Variants in PBX4 observed in about 807,000 individuals in gnomAD.
PBX4 encodes PBX homeobox 4, also known as pre-B-cell leukemia transcription factor 4.
In PBX4, 26 loss-of-function variants were observed where a neutral mutation model predicts 35.1. The ratio of observed to expected loss-of-function variants is 0.74; its 90% confidence interval spans 0.54 to 1.03. The LOEUF is 1.03. Among genes scored for constraint, PBX4 ranks in the 50% least tolerant of loss-of-function variants. The pLI, the probability that PBX4 is intolerant of heterozygous loss-of-function variation, is 0.00. For synonymous variants in PBX4, 199 were observed against 204.2 expected (o/e 0.97, Z 0.22); for missense variants, 448 against 504.3 (o/e 0.89, Z 1.07).
At chr19:19,594,260 C>T (rs1283658214) in intron 2 of PBX4, among the ~76,000 whole-genome samples, 2 of 151,584 alleles carry the variant, frequency 1.3e-5, no homozygotes, top group African/African-American at 4.8e-5. Flanking sequence ...AAAAAATTAG[C>T]CGGGTGTGGT....
chr19:19,603,646 G>A (rs571008217), intron 1 of PBX4, among the ~76,000 whole-genome samples: 1 of 152,158 alleles, frequency 6.6e-6, no homozygotes, highest in African/African-American at 2.4e-5. Flanking sequence ...TCTAGAGAGA[G>A]AATTTGATGA....
At position 19,604,466 on chromosome 19, in the gene PBX4, CAA is replaced by C. The variant is rs753893364; in HGVS notation, c.120-5103_120-5102del. On this transcript the variant is annotated intron_variant, in intron 1 of 7. Coordinates refer to ENST00000251203, the MANE Select transcript of PBX4 (RefSeq NM_025245.3). The stretch of plus-strand genomic sequence containing the variant: ...TGGGCAACAGAGCGAGATTCCATCT[CAA>C]AAAAAAAAAAGGAATACAACTGGGG... Among the ~76,000 whole-genome samples the C allele has an allele frequency of 2.5e-4, 18 of 72,086 alleles. 3 individuals carry two copies. Among genetic ancestry groups the C allele is most frequent in the African/African-American group, 1.2e-3 (18 of 15,342 alleles). 47.3% of individuals were successfully genotyped at this position (72,086 alleles called of 152,430 possible).
At chr19:19,569,210 C>G (rs1396395408) in intron 5 of PBX4, among the ~76,000 whole-genome samples, 1 of 152,154 alleles carries the variant, frequency 6.6e-6, no homozygotes, top group African/African-American at 2.4e-5. Flanking sequence ...AGGTGCACAC[C>G]ACCAAGCCCA....
chr19:19,575,418 C>G (rs893346027), intron 2 of PBX4, among the ~76,000 whole-genome samples: 10 of 152,090 alleles, frequency 6.6e-5, no homozygotes, highest in African/African-American at 2.4e-4. Flanking sequence ...AAAGGCCGCT[C>G]CCAGAATTAG....
chr19:19,579,950 C>A (rs1166457494), intron 2 of PBX4: 1 of 152,408 alleles, frequency 6.6e-6, no homozygotes, highest in East Asian at 1.9e-4. Flanking sequence ...TCTCCCCCCA[C>A]CATCCACAGC....
At chr19:19,580,397 G>A (rs1367961032) in intron 2 of PBX4, among the ~76,000 whole-genome samples, 1 of 152,168 alleles carries the variant, frequency 6.6e-6, no homozygotes, top group Admixed American at 6.6e-5. Context: ...TGCTACCGGG[G>A]TCTCCTATGC....
At chr19:19,614,504 G>A (rs1256225580) in intron 1 of PBX4, among the ~76,000 whole-genome samples, 1 of 151,170 alleles carries the variant, frequency 6.6e-6, no homozygotes, top group Non-Finnish European at 1.5e-5. Flanking sequence ...GTGTGGTGGT[G>A]CACACCTGTA....
intron 1 of PBX4, among the ~76,000 whole-genome samples, chr19:19,615,938 C>T (rs2144800985): frequency 6.6e-6 from 1 of 152,216 alleles, no homozygotes; most frequent in Non-Finnish European, 1.5e-5. Flanking sequence ...CATTATCCAC[C>T]TTTTTATCTG....
intron 1 of PBX4, among the ~76,000 whole-genome samples, chr19:19,604,466 C>CAAAAAA (rs753893364): frequency 2.8e-5 from 2 of 72,102 alleles, no homozygotes; most frequent in Admixed American, 3.6e-4. Context: ...GATTCCATCT[C>CAAAAAA]AAAAAAAAAA....
At chr19:19,573,251 G>A (rs2061396987) in intron 2 of PBX4, among the ~76,000 whole-genome samples, 1 of 151,268 alleles carries the variant, frequency 6.6e-6, no homozygotes, top group Non-Finnish European at 1.5e-5. Flanking sequence ...GTTGCGGTGA[G>A]CCGAGATCAC....
intron 2 of PBX4, among the ~76,000 whole-genome samples, chr19:19,571,578 C>G (rs1230488758): frequency 6.6e-6 from 1 of 152,086 alleles, no homozygotes; most frequent in Non-Finnish European, 1.5e-5. Flanking sequence ...ACAGGGCAGT[C>G]AGAGAACCCC....
At chr19:19,564,509 C>T (rs372077436) in intron 6 of PBX4, among the ~76,000 whole-genome samples, 40 of 152,218 alleles carry the variant, frequency 2.6e-4, no homozygotes, top group East Asian at 7.7e-4. Flanking sequence ...GTGATCCGCC[C>T]GCCTCGGCCT....
At chr19:19,574,690 A>C (rs1719640969) in intron 2 of PBX4, among the ~76,000 whole-genome samples, 1 of 150,542 alleles carries the variant, frequency 6.6e-6, no homozygotes, top group Non-Finnish European at 1.5e-5. Flanking sequence ...GCTCAAGTGC[A>C]GTGGTGGGAT....
At position 19,563,821 on chromosome 19, in the gene PBX4, T is replaced by C. The variant is rs11879212; in HGVS notation, c.926-206A>G. ...CCCCTCATGGCTTGTCTTTTTTTTTTCTTTTTAAGACAGTCTCGCTCTGTC... is the reference window on the plus strand; with the variant it reads ...CCCCTCATGGCTTGTCTTTTTTTTTCCTTTTTAAGACAGTCTCGCTCTGTC... On this transcript the variant is annotated intron_variant, in intron 6 of 7. Coordinates refer to ENST00000251203, the MANE Select transcript of PBX4 (RefSeq NM_025245.3). The surrounding 1 kb of genome is among the most constrained non-coding windows in gnomAD (Gnocchi z 5.1). 3 of 499,192 alleles carry C rather than the reference T, an allele frequency of 6.0e-6. No individual in the cohort carries two copies. Among genetic ancestry groups the C allele is most frequent in the Admixed American group, 3.3e-5 (1 of 30,768 alleles). 30.9% of individuals were successfully genotyped at this position (499,192 alleles called of 1,614,324 possible).
At chr19:19,611,399 G>A (rs1416015427) in intron 1 of PBX4, among the ~76,000 whole-genome samples, 7 of 152,062 alleles carry the variant, frequency 4.6e-5, no homozygotes, top group Non-Finnish European at 7.3e-5. Context: ...AAAAAGAGAA[G>A]GCCGGGCATG....
Position 19,605,286 on chromosome 19 carries a change from C to T in PBX4, c.120-5921G>A, listed in dbSNP as rs142354836. Among the ~76,000 whole-genome samples the T allele has an allele frequency of 4.3e-3, 653 of 151,164 alleles. 1 individual carries two copies. The highest frequency in any genetic ancestry group is 0.017 in the Middle Eastern group (5 of 288). ...CAAAATTCAGCTGGGCATGGTGGCG[C>T]GCACCTGTAGTCCCAGCTACTCAGG... On this transcript the variant is annotated intron_variant, in intron 1 of 7. Coordinates refer to ENST00000251203, the MANE Select transcript of PBX4 (RefSeq NM_025245.3).
rs759757855 is a variant in PBX4 at position 19,562,125 on chromosome 19, G to C, written c.1033-8C>G. The C allele has an allele frequency of 1.2e-6, 2 of 1,603,276 alleles. No homozygotes were observed. Among genetic ancestry groups the C allele is most frequent in the Non-Finnish European group, 1.7e-6 (2 of 1,174,280 alleles). ...CTGCCAGCTACCCTGGGCCTGAAACGACAGAGACTGAGCATCAGAGTGGGT... is the reference window on the plus strand; with the variant it reads ...CTGCCAGCTACCCTGGGCCTGAAACCACAGAGACTGAGCATCAGAGTGGGT... On this transcript the variant is annotated splice_region_variant and splice_polypyrimidine_tract_variant and intron_variant, in intron 7 of 7. Coordinates refer to ENST00000251203, the MANE Select transcript of PBX4 (RefSeq NM_025245.3). This position sits in a 1 kb window ranked among gnomAD's most constrained non-coding sequence, Gnocchi z 4.8.
At chr19:19,564,081 T>C (rs979888372) in intron 6 of PBX4, among the ~76,000 whole-genome samples, 2 of 151,482 alleles carry the variant, frequency 1.3e-5, no homozygotes, top group Admixed American at 6.6e-5. Flanking sequence ...CATGCTGGTG[T>C]GCTGCACCCA....
chr19:19,609,738 C>G (rs1455192895), intron 1 of PBX4, among the ~76,000 whole-genome samples: 1 of 151,936 alleles, frequency 6.6e-6, no homozygotes, highest in Non-Finnish European at 1.5e-5. Flanking sequence ...GTATTCCCAG[C>G]TACTCGGGAG....
Sources: gnomAD v4.1 joint callset for allele counts (sites outside exome capture counted in the v4.1 genomes callset) on GRCh38, gnomAD v4.1.1 for gene constraint, Gnocchi (gnomAD v3.1) non-coding constraint, MANE v1.5 for transcripts, NCBI Gene and HGNC (gene_info 2026-07-23, HGNC 2026-07-21) for gene names.